The following INTS6 variants were observed in gnomAD, a reference collection of about 807,000 sequenced individuals.
INTS6 encodes the protein integrator complex subunit 6.
A neutral mutation model predicts 104.9 loss-of-function variants in INTS6; 16 were observed. The observed-to-expected ratio is 0.15, with a 90% confidence interval of 0.10 to 0.23. The LOEUF is 0.23. INTS6 is among the 10% of genes least tolerant of loss of function. INTS6 has a pLI of 1.00. For synonymous variants in INTS6, 324 were observed against 358.7 expected (o/e 0.90, Z 1.09); for missense variants, 584 against 1,062.8 (o/e 0.55, Z 6.26).
At chr13:51,341,381 C>A in the INTS6 span, 19 of 1,544,876 alleles carry the variant, frequency 1.2e-5, no homozygotes, top group Non-Finnish European at 1.5e-5. Flanking sequence ...ACTCACTTAC[C>A]CTCCTGTTCA....
intron 15 of INTS6, among the ~76,000 whole-genome samples, chr13:51,372,825 C>G (rs1286729327): frequency 1.3e-5 from 2 of 152,152 alleles, no homozygotes; most frequent in Non-Finnish European, 2.9e-5. Flanking sequence ...GCATCTGTTC[C>G]CCGGGTTTCC....
intron 10 of INTS6, among the ~76,000 whole-genome samples, chr13:51,380,596 A>G (rs1956027848): frequency 6.6e-6 from 1 of 152,184 alleles, no homozygotes; most frequent in African/African-American, 2.4e-5. Flanking sequence ...AGAACTATAA[A>G]ATGTCATGAT....
At chr13:51,374,537 T>A in intron 14 of INTS6, 98 bp from the exon 15 acceptor site, 1 of 1,506,004 alleles carries the variant, frequency 6.6e-7, no homozygotes, top group Non-Finnish European at 9.1e-7. Context: ...ATTCTGTTCA[T>A]ATTTATTAGA....
At chr13:51,390,317 T>C (rs1956222504) in intron 5 of INTS6, among the ~76,000 whole-genome samples, 1 of 151,944 alleles carries the variant, frequency 6.6e-6, no homozygotes, top group African/African-American at 2.4e-5. Flanking sequence ...AACATCTCAT[T>C]AGTAATTTTA....
rs1955645057 is a variant in INTS6, at chr13:51,364,403, C to T, written c.*1349G>A. On this transcript the variant is annotated 3_prime_UTR_variant, in exon 18 of 18. Coordinates refer to ENST00000311234, the MANE Select transcript of INTS6 (RefSeq NM_012141.3). ...TAAAAAGCTAAGGGTATGTGATTTTCAATATTATAAACCTAAAAATACTTC... is the reference window on the plus strand; with the variant it reads ...TAAAAAGCTAAGGGTATGTGATTTTTAATATTATAAACCTAAAAATACTTC... 2 of 522,482 alleles carry T rather than the reference C, an allele frequency of 3.8e-6. No homozygotes were observed. Among genetic ancestry groups the T allele is most frequent in the Admixed American group, 3.8e-5 (1 of 26,548 alleles). 32.4% of individuals were successfully genotyped at this position (522,482 alleles called of 1,614,324 possible).
downstream of INTS6, among the ~76,000 whole-genome samples, chr13:51,357,395 G>C (rs1311448516): frequency 6.6e-6 from 1 of 152,134 alleles, no homozygotes; most frequent in African/African-American, 2.4e-5. Flanking sequence ...CAGAGACCTT[G>C]CCAGAGAGTA....
At chr13:51,417,707 T>G (rs188005809) in intron 4 of INTS6, among the ~76,000 whole-genome samples, 122 of 152,292 alleles carry the variant, frequency 8.0e-4, no homozygotes, top group African/African-American at 2.8e-3. Context: ...TCCACCTGCC[T>G]TGGCCTCCCA....
chr13:51,430,736 C>G (rs953128213), intron 3 of INTS6, among the ~76,000 whole-genome samples: 2 of 151,954 alleles, frequency 1.3e-5, no homozygotes, highest in African/African-American at 4.8e-5. Context: ...GTAGATATTA[C>G]AAGTTACAAT....
chr13:51,446,842 C>T (rs1289048829), intron 3 of INTS6: 1 of 152,066 alleles, frequency 6.6e-6, no homozygotes, highest in Non-Finnish European at 1.5e-5. Context: ...CTGTGATATC[C>T]AGAGTAGACA....
chr13:51,440,317 TATAA>T (rs1952771597), intron 3 of INTS6: 1 of 152,024 alleles, frequency 6.6e-6, no homozygotes, highest in Non-Finnish European at 1.5e-5. Context: ...AGAATAAGGA[TATAA>T]ATATTTTATA....
chr13:51,347,848 A>G, the INTS6 span, among the ~76,000 whole-genome samples: 1 of 151,986 alleles, frequency 6.6e-6, no homozygotes, highest in Admixed American at 6.6e-5. Flanking sequence ...AACATAGTAT[A>G]TGCAGGGCTC....
chr13:51,339,938 G>A, the INTS6 span, among the ~76,000 whole-genome samples: 1 of 152,152 alleles, frequency 6.6e-6, no homozygotes, highest in East Asian at 1.9e-4. Flanking sequence ...GAAAGAAAGA[G>A]AGAGAGAGAG....
At chr13:51,361,200 ATT>A, downstream of INTS6, 2 of 942,414 alleles carry the variant, frequency 2.1e-6, no homozygotes, top group South Asian at 2.9e-5. Context: ...TTGTAAGTAC[ATT>A]TTTAAAGAAT....
intron 12 of INTS6, 29 bp from the exon 13 acceptor site, chr13:51,376,203 T>C: frequency 6.4e-7 from 1 of 1,568,374 alleles, no homozygotes. Flanking sequence ...GGACAAAATT[T>C]ATTGTCAAAC....
intron 4 of INTS6, among the ~76,000 whole-genome samples, chr13:51,421,675 C>A (rs1201355441): frequency 1.3e-5 from 2 of 152,114 alleles, no homozygotes; most frequent in African/African-American, 2.4e-5. Context: ...GGGTTATTTA[C>A]AAGAGAGTGC....
chr13:51,446,145 A>T (rs1160629476), intron 3 of INTS6: 1 of 152,194 alleles, frequency 6.6e-6, no homozygotes, highest in African/African-American at 2.4e-5. Flanking sequence ...ACATAATGGG[A>T]GAAAATATTT....
chr13:51,407,598 T>A (rs963921045), intron 4 of INTS6, among the ~76,000 whole-genome samples: 1 of 152,166 alleles, frequency 6.6e-6, no homozygotes, highest in African/African-American at 2.4e-5. Flanking sequence ...ATACGGTATG[T>A]CCTAATGTTC....
chr13:51,425,927 G>T (rs924063157), intron 4 of INTS6, among the ~76,000 whole-genome samples: 1 of 151,648 alleles, frequency 6.6e-6, no homozygotes, highest in Non-Finnish European at 1.5e-5. Flanking sequence ...CACACTCCTC[G>T]TAAGTGAAAA....
intron 4 of INTS6, among the ~76,000 whole-genome samples, chr13:51,400,765 CTAAATGACTA>C (rs1470184147): frequency 5.3e-5 from 8 of 151,998 alleles, no homozygotes; most frequent in Non-Finnish European, 4.4e-5. Context: ...AAAATGTGGA[CTAAATGACTA>C]TAAATCAAAT....
Sources: gnomAD v4.1 joint callset for allele counts (sites outside exome capture counted in the v4.1 genomes callset) on GRCh38, gnomAD v4.1.1 for gene constraint, MANE v1.5 for transcripts, NCBI Gene and HGNC (gene_info 2026-07-23, HGNC 2026-07-21) for gene names.